IGF2R: variants seen among roughly 807,000 people sequenced by gnomAD.
IGF2R encodes cation-independent mannose-6-phosphate receptor.
IGF2R carries 91 observed loss-of-function variants against 270.6 expected under a neutral mutation model. That is an observed-to-expected ratio of 0.34 (90% CI 0.28 to 0.40). The LOEUF (loss-of-function observed/expected upper bound fraction) is 0.40, where lower values mean the gene tolerates loss of function less well. IGF2R is among the 10% of genes least tolerant of loss of function. IGF2R has a pLI of 1.00. For synonymous variants in IGF2R, 1,316 were observed against 1,258.9 expected, an observed-to-expected ratio of 1.05 and a Z score of -0.96; for missense variants, 2,805 against 3,188.3, an observed-to-expected ratio of 0.88 and a Z score of 2.90.
chr6:159,990,785 A>C (rs1783966283), intron 1 of IGF2R, among the ~76,000 whole-genome samples: 1 of 152,178 alleles, frequency 6.6e-6, no homozygotes, highest in South Asian at 2.1e-4. Flanking sequence ...GTGTGCCACC[A>C]CGCCCAGCTA....
intron 1 of IGF2R, among the ~76,000 whole-genome samples, chr6:159,969,674 G>T (rs1783578409): frequency 6.6e-6 from 1 of 152,156 alleles, no homozygotes; most frequent in South Asian, 2.1e-4. Context: ...GGGTGGCTTT[G>T]TGCGGAGCGG....
At chr6:160,100,627 C>G (rs541418495) in intron 45 of IGF2R, among the ~76,000 whole-genome samples, 1 of 151,870 alleles carries the variant, frequency 6.6e-6, no homozygotes, top group Admixed American at 6.6e-5. Context: ...GAACACTGTT[C>G]CCTGCGTTGG....
Position 160,080,189 on chromosome 6 carries a change from A to T in IGF2R, c.5747A>T (p.Glu1916Val), listed in dbSNP as rs1332505016. The T allele has an allele frequency of 6.2e-7, 1 of 1,614,144 alleles. No individual in the cohort carries two copies. Among genetic ancestry groups the T allele is most frequent in the South Asian group, 1.1e-5 (1 of 91,086 alleles). The stretch of plus-strand genomic sequence containing the variant: ...ATATTCAATGGGAAGAGCTACGAGG[A>T]GTGCATCATAGAGAGCAGGGCGAAG... ...PFIFNGKSYEECIIESRAKLW... is the reference protein window; with the variant it reads ...PFIFNGKSYEVCIIESRAKLW... The change falls in exon 39 of 48, where the codon GAG (glutamate) becomes GTG (valine). Residue 1916 changes from glutamate (E) to valine (V), a missense_variant. Coordinates refer to ENST00000356956, the MANE Select transcript of IGF2R (RefSeq NM_000876.4).
chr6:160,060,830 T>C (rs1778423364), intron 23 of IGF2R, 113 bp downstream of exon 23: 4 of 929,486 alleles, frequency 4.3e-6, no homozygotes, highest in South Asian at 1.6e-5. Context: ...GTGGTGTGTA[T>C]GCTTGGTTAT....
chr6:160,009,367 A>C (rs1183724410), intron 3 of IGF2R, among the ~76,000 whole-genome samples: 1 of 152,236 alleles, frequency 6.6e-6, no homozygotes. Context: ...CTACAATTCA[A>C]AGTGATTACT....
At position 160,068,682 on chromosome 6, in the gene IGF2R, A is replaced by T. The variant is rs142993707; in HGVS notation, c.4252+297A>T. On this transcript the variant is annotated intron_variant, in intron 30 of 47. Transcript: ENST00000356956. ...TGCAATGAATGTATTGAAAGCTGGC[A>T]CTGGTGAGAGAGGGCCTCCTCGTGG... Among the ~76,000 whole-genome samples the T allele has an allele frequency of 3.4e-3, 516 of 151,790 alleles. 4 individuals carry two copies. The highest frequency in any genetic ancestry group is 0.012 in the African/African-American group (496 of 41,324).
Position 160,043,121 on chromosome 6 carries a change from C to T in IGF2R, c.1481-27C>T, listed in dbSNP as rs754112635. The T allele has an allele frequency of 6.8e-6, 11 of 1,611,442 alleles. No individual in the cohort carries two copies. The African/African-American group carries it at 1.3e-4, about 20-fold the overall frequency. ...TCAGAGAAATCAGCATTGCTTTTGG[C>T]TAAAATACACTTTTGTTTTGTTACA... On this transcript the variant is annotated intron_variant, in intron 11 of 47. Coordinates refer to ENST00000356956, the MANE Select transcript of IGF2R (RefSeq NM_000876.4).
intron 14 of IGF2R, 108 bp from the exon 15 acceptor site, chr6:160,046,390 T>C: frequency 2.7e-6 from 3 of 1,093,388 alleles, no homozygotes; most frequent in Non-Finnish European, 3.9e-6. Flanking sequence ...CTTCCTGCCG[T>C]TGGGAACCTC....
chr6:160,085,042 G>A lies in IGF2R; in HGVS notation c.6116G>A (p.Cys2039Tyr), dbSNP rs759451382. 6.2e-7 allele frequency: 1 copy of A among 1,614,068 alleles called. No homozygotes were observed. Among genetic ancestry groups the A allele is most frequent in the Non-Finnish European group, 8.5e-7 (1 of 1,179,948 alleles). ...AAAATATATAAAGGGCCCCTGGGCT[G>A]CTCTGAAAGGGCCAGCATTTGCAGA... ...CQKIYKGPLGCSERASICRRT... is the reference protein window; with the variant it reads ...CQKIYKGPLGYSERASICRRT... The change falls in exon 41 of 48, where the codon TGC becomes TAC. Residue 2039 changes from cysteine (C) to tyrosine (Y), a missense_variant. Cys to Tyr is a radical substitution (Grantham distance 194). Coordinates refer to ENST00000356956, the MANE Select transcript of IGF2R (RefSeq NM_000876.4).
At chr6:160,068,584 G>A (rs552815241) in intron 30 of IGF2R, among the ~76,000 whole-genome samples, 199 bp downstream of exon 30, 127 of 151,806 alleles carry the variant, frequency 8.4e-4, no homozygotes, top group African/African-American at 2.8e-3. Flanking sequence ...GGTCCTCCTC[G>A]TGGGGTGGTG....
chr6:160,026,443 C>T (rs1777562715), intron 5 of IGF2R, among the ~76,000 whole-genome samples: 1 of 152,176 alleles, frequency 6.6e-6, no homozygotes, highest in Non-Finnish European at 1.5e-5. Flanking sequence ...CTTCTGTGTG[C>T]TAGGCACTAA....
intron 44 of IGF2R, 132 bp from the exon 45 acceptor site, chr6:160,096,307 G>A: frequency 2.7e-6 from 2 of 742,968 alleles, no homozygotes; most frequent in Admixed American, 2.4e-5. Flanking sequence ...CAGAGTGCCT[G>A]TGGGACGTGG....
chr6:160,071,336 G>A (rs943372553), intron 31 of IGF2R, among the ~76,000 whole-genome samples: 10 of 152,108 alleles, frequency 6.6e-5, no homozygotes, highest in Non-Finnish European at 7.4e-5. Flanking sequence ...GGACTGCAGC[G>A]TGGCTTATCA....
At chr6:160,055,515 A>G (rs1440955899) in intron 19 of IGF2R, among the ~76,000 whole-genome samples, 1 of 152,134 alleles carries the variant, frequency 6.6e-6, no homozygotes, top group African/African-American at 2.4e-5. Context: ...TCCCTTTCAC[A>G]AGCACATTGT....
At chr6:159,992,856 T>C (rs745878924) in intron 2 of IGF2R, among the ~76,000 whole-genome samples, 11 of 152,204 alleles carry the variant, frequency 7.2e-5, no homozygotes, top group Non-Finnish European at 1.5e-4. Flanking sequence ...ATAGAGGACA[T>C]CCTAATTTAC....
At chr6:160,054,663 C>T (rs1778272264) in intron 19 of IGF2R, among the ~76,000 whole-genome samples, 1 of 152,196 alleles carries the variant, frequency 6.6e-6, no homozygotes, top group African/African-American at 2.4e-5. Flanking sequence ...TTTTAAGTTT[C>T]TCTGGAGTCC....
intron 44 of IGF2R, chr6:160,090,348 G>T: frequency 3.4e-6 from 1 of 291,208 alleles, no homozygotes; most frequent in South Asian, 9.6e-5. Context: ...ACTAAAACCT[G>T]GTCTGATCCA....
chr6:160,008,318 C>G (rs1784278085), intron 2 of IGF2R, among the ~76,000 whole-genome samples: 1 of 152,208 alleles, frequency 6.6e-6, no homozygotes, highest in Admixed American at 6.5e-5. Context: ...CCTCTTTTCC[C>G]TGACCTATTA....
chr6:159,977,712 C>G (rs899064823), intron 1 of IGF2R, among the ~76,000 whole-genome samples: 2 of 152,190 alleles, frequency 1.3e-5, no homozygotes, highest in Non-Finnish European at 2.9e-5. Flanking sequence ...CTTTCCTGGG[C>G]TTGAATCCAG....
Sources: gnomAD v4.1 joint callset for allele counts (sites outside exome capture counted in the v4.1 genomes callset) on GRCh38, gnomAD v4.1.1 for gene constraint, MANE v1.5 for transcripts, NCBI Gene and HGNC (gene_info 2026-07-23, HGNC 2026-07-21) for gene names.